The following ITIH2 variants were observed in gnomAD, a reference collection of about 807,000 sequenced individuals.
ITIH2 encodes inter-alpha-trypsin inhibitor heavy chain H2.
Under a neutral mutation model 104.4 loss-of-function variants are expected in ITIH2, and 103 were observed. The observed-to-expected ratio is 0.99, with a 90% CI of 0.84 to 1.16. ITIH2 has a LOEUF of 1.16. Among genes scored for constraint, ITIH2 ranks in the 50% most tolerant of loss-of-function variants. ITIH2 has a pLI of 0.00. For synonymous variants in ITIH2, 436 were observed against 435.4 expected (o/e 1.00, Z -0.02); for missense variants, 1,108 against 1,162.4 (o/e 0.95, Z 0.68).
chr10:7,708,203 C>A (rs544948076), intron 3 of ITIH2, among the ~76,000 whole-genome samples: 30 of 152,328 alleles, frequency 2.0e-4, no homozygotes, highest in Admixed American at 1.1e-3. Context: ...TAAGTAAATT[C>A]TTTTGGAGAA....
At chr10:7,718,744 G>A (rs1484837140) in intron 6 of ITIH2, among the ~76,000 whole-genome samples, 1 of 152,098 alleles carries the variant, frequency 6.6e-6, no homozygotes, top group Non-Finnish European at 1.5e-5. Context: ...TGTACTCAAT[G>A]TTTAGCTCCT....
intron 9 of ITIH2, among the ~76,000 whole-genome samples, chr10:7,726,154 G>A (rs1834949909): frequency 6.6e-6 from 1 of 152,166 alleles, no homozygotes; most frequent in Non-Finnish European, 1.5e-5. Context: ...AGAATAGGAA[G>A]AGAAGATTTG....
At chr10:7,719,738 A>G (rs1000206468) in intron 6 of ITIH2, among the ~76,000 whole-genome samples, 1 of 117,932 alleles carries the variant, frequency 8.5e-6, no homozygotes, top group Non-Finnish European at 1.7e-5. Flanking sequence ...TCCAGGCTGG[A>G]TGGCAAAATG....
chr10:7,717,838 C>G lies in ITIH2; in HGVS notation c.630+50C>G, dbSNP rs1267116490. On this transcript the variant is annotated intron_variant, in intron 6 of 20. Transcript: ENST00000358415. ...CAGTGACACTGTCCTTTTATAGTCT[C>G]TGACCCTGATTTATACTTTCTGCTT... 1.9e-6 allele frequency: 3 copies of G among 1,551,686 alleles called. No homozygotes were observed. In the South Asian group the frequency reaches 3.4e-5, roughly 18 times the overall value.
intron 19 of ITIH2, among the ~76,000 whole-genome samples, chr10:7,745,455 T>C (rs998641605): frequency 1.3e-5 from 2 of 152,080 alleles, no homozygotes; most frequent in African/African-American, 2.4e-5. Context: ...CAACCTCATG[T>C]ATAAAATGAC....
chr10:7,710,822 ATG>A, intron 4 of ITIH2, among the ~76,000 whole-genome samples: 2 of 152,314 alleles, frequency 1.3e-5, no homozygotes, highest in East Asian at 3.9e-4. Flanking sequence ...ATATGACCCC[ATG>A]TCTAGAAATG....
intron 20 of ITIH2, among the ~76,000 whole-genome samples, chr10:7,747,143 C>T (rs1835185652): frequency 6.6e-6 from 1 of 152,186 alleles, no homozygotes; most frequent in Non-Finnish European, 1.5e-5. Context: ...CAAACCACCC[C>T]CATATGCTTC....
intron 11 of ITIH2, among the ~76,000 whole-genome samples, chr10:7,729,406 A>G (rs561996185): frequency 1.3e-5 from 2 of 152,224 alleles, no homozygotes; most frequent in South Asian, 4.1e-4. Context: ...GGAATCAGTC[A>G]CTGGTTACCA....
chr10:7,727,292 T>C (rs552716062), intron 10 of ITIH2, among the ~76,000 whole-genome samples, 174 bp downstream of exon 10: 1 of 152,370 alleles, frequency 6.6e-6, no homozygotes, highest in South Asian at 2.1e-4. Context: ...AAGTAGAATT[T>C]GTAATACAGC....
chr10:7,714,391 C>G (rs1223408829), intron 5 of ITIH2, among the ~76,000 whole-genome samples: 1 of 152,002 alleles, frequency 6.6e-6, no homozygotes, highest in East Asian at 1.9e-4. Context: ...CCAGGATGGT[C>G]TCGATCTCCT....
At chr10:7,742,730 G>A (rs1402812678) in intron 16 of ITIH2, among the ~76,000 whole-genome samples, 1 of 152,032 alleles carries the variant, frequency 6.6e-6, no homozygotes, top group Non-Finnish European at 1.5e-5. Context: ...GGTGACAGAG[G>A]GAGATCCTGT....
intron 3 of ITIH2, 30 bp downstream of exon 3, chr10:7,707,263 A>G: frequency 6.5e-7 from 1 of 1,543,424 alleles, no homozygotes; most frequent in Non-Finnish European, 8.9e-7. Flanking sequence ...TTACAGATTG[A>G]ATGATTTTCC....
At chr10:7,718,258 C>T (rs192008026) in intron 6 of ITIH2, among the ~76,000 whole-genome samples, 267 of 152,252 alleles carry the variant, frequency 1.8e-3, no homozygotes, top group Non-Finnish European at 3.0e-3. Context: ...ATCTTAAATG[C>T]CCCTCTGCCT....
Position 7,732,433 on chromosome 10 carries a change from G to A in ITIH2, c.1743G>A (p.Arg581=), listed in dbSNP as rs867219699. 3.7e-6 allele frequency: 6 copies of A among 1,614,060 alleles called. No individual in the cohort carries two copies. The highest frequency in any genetic ancestry group is 1.1e-5 in the South Asian group (1 of 91,054). The change falls in exon 14 of 21, where the codon AGG becomes AGA. Residue 581 remains arginine (R), a synonymous_variant. Transcript: ENST00000358415. ...KDKHADPDFT[R]KLWAYLTINQ... is the part of the protein sequence containing the mutation. ...AGCATGCAGATCCCGATTTCACCAG[G>A]AAACTGTGGGCCTATCTAACCATCA... is the stretch of plus-strand genomic sequence containing the variant.
intron 12 of ITIH2, among the ~76,000 whole-genome samples, chr10:7,731,554 G>A (rs1042172092): frequency 2.0e-5 from 3 of 151,900 alleles, no homozygotes; most frequent in East Asian, 1.9e-4. Context: ...GTGAAAACCC[G>A]TCTCTACTAA....
At chr10:7,746,981 C>T (rs911807858) in intron 20 of ITIH2, among the ~76,000 whole-genome samples, 15 of 152,166 alleles carry the variant, frequency 9.9e-5, no homozygotes, top group African/African-American at 3.6e-4. Context: ...AAGAGCTTCA[C>T]AAGTTGGATA....
intron 9 of ITIH2, among the ~76,000 whole-genome samples, chr10:7,726,602 G>A (rs1423149583): frequency 6.6e-6 from 1 of 152,170 alleles, no homozygotes; most frequent in African/African-American, 2.4e-5. Context: ...AGAGAAAGAT[G>A]AGGAAATAGT....
intron 6 of ITIH2, 72 bp downstream of exon 6, chr10:7,717,860 G>A (rs1370966943): frequency 4.2e-6 from 6 of 1,435,908 alleles, no homozygotes; most frequent in Non-Finnish European, 5.8e-6. Context: ...TATACTTTCT[G>A]CTTGTCACTA....
rs1835040591 is a variant in ITIH2 at position 7,735,028 on chromosome 10, A to G, written c.1894A>G (p.Asn632Asp). ...VTPLTSLVIE[N>D]EAGDERMLAD... ...TCCGCTGACCTCGCTGGTGATCGAG[A>G]ACGAGGCTGGGGATGAGCGCATGCT... The change falls in exon 15 of 21, where the codon AAC (asparagine) becomes GAC (aspartate). Residue 632 changes from asparagine (N) to aspartate (D), a missense_variant. Coordinates refer to ENST00000358415, the MANE Select transcript of ITIH2 (RefSeq NM_002216.3). The G allele has an allele frequency of 6.2e-7, 1 of 1,613,632 alleles. No individual in the cohort carries two copies. The highest frequency in any genetic ancestry group is 1.3e-5 in the African/African-American group (1 of 75,084).
Sources: gnomAD v4.1 joint callset for allele counts (sites outside exome capture counted in the v4.1 genomes callset) on GRCh38, gnomAD v4.1.1 for gene constraint, MANE v1.5 for transcripts, NCBI Gene and HGNC (gene_info 2026-07-23, HGNC 2026-07-21) for gene names.